Variants in NR3C2 observed in about 807,000 individuals in gnomAD.
The protein encoded by NR3C2 is nuclear receptor subfamily 3 group C member 2.
NR3C2 carries 15 observed loss-of-function variants against 86.4 expected under a neutral mutation model. The ratio of observed to expected loss-of-function variants is 0.17; its 90% confidence interval spans 0.12 to 0.27. The LOEUF (loss-of-function observed/expected upper bound fraction) is 0.27, where lower values mean the gene tolerates loss of function less well. Among genes scored for constraint, NR3C2 ranks in the 10% least tolerant of loss-of-function variants. NR3C2 has a pLI of 1.00. For synonymous variants in NR3C2, 458 were observed against 450.5 expected, an observed-to-expected ratio of 1.02 and a Z score of -0.21; for missense variants, 960 against 1,195.6, an observed-to-expected ratio of 0.80 and a Z score of 2.91.
rs573102010 is a variant in NR3C2, at chr4:148,260,239, C to G, written c.1758-122G>C. On this transcript the variant is annotated intron_variant, in intron 2 of 8. Coordinates refer to ENST00000358102, the MANE Select transcript of NR3C2 (RefSeq NM_000901.5). ...ATACAAGAATTCAGTGTGTAATGAC[C>G]ACATACTATGTGACTTAGCAAAATA... 37 of 1,219,432 alleles carry G rather than the reference C, an allele frequency of 3.0e-5. No individual in the cohort carries two copies. In the African/African-American group the frequency reaches 5.4e-4, roughly 18 times the overall value. The allele number at this position is 1,219,432 out of a possible 1,614,324, so 75.5% of individuals were successfully genotyped here. A position where few individuals can be genotyped will look rare whatever the true frequency, so the allele number is the denominator to read the frequency against.
intron 2 of NR3C2, among the ~76,000 whole-genome samples, chr4:148,305,096 T>C (rs1220166802): frequency 2.0e-5 from 3 of 152,158 alleles, no homozygotes; most frequent in African/African-American, 4.8e-5. Flanking sequence ...AACTTAATCA[T>C]TTGCAAAATA....
chr4:148,298,454 G>C (rs774776098), intron 2 of NR3C2, among the ~76,000 whole-genome samples: 5 of 152,168 alleles, frequency 3.3e-5, no homozygotes, highest in Non-Finnish European at 5.9e-5. Context: ...AGAATTGATA[G>C]GTTTTGGGTT....
intron 3 of NR3C2, among the ~76,000 whole-genome samples, chr4:148,258,465 A>G (rs1032910822): frequency 1.3e-5 from 2 of 152,076 alleles, no homozygotes; most frequent in Non-Finnish European, 2.9e-5. Context: ...TCCTAAGGGA[A>G]ACGTCCTTCC....
rs145711262 is a variant in NR3C2, at chr4:148,079,256, C to G, written c.*2088G>C. On this transcript the variant is annotated 3_prime_UTR_variant, in exon 9 of 9. Transcript: ENST00000358102. Reference sequence around the variant, plus strand: ...GTGTGGCTTTCATATTACTGTGCACCGTAAGTTGACTGTATTTAAAGATCT... The same window carrying G: ...GTGTGGCTTTCATATTACTGTGCACGGTAAGTTGACTGTATTTAAAGATCT... 25 of 152,116 alleles carry G rather than the reference C, an allele frequency of 1.6e-4. No homozygotes were observed. Among genetic ancestry groups the G allele is most frequent in the African/African-American group, 5.6e-4 (23 of 41,414 alleles). 9.4% of individuals were successfully genotyped at this position (152,116 alleles called of 1,614,324 possible).
chr4:148,209,030 A>C (rs6535591), intron 3 of NR3C2: 2 of 151,794 alleles, frequency 1.3e-5, no homozygotes, highest in African/African-American at 4.8e-5. Flanking sequence ...ATCACCTTAA[A>C]GTTAGGAGTT....
intron 2 of NR3C2, among the ~76,000 whole-genome samples, chr4:148,316,779 TTTTC>T (rs1202503345): frequency 6.6e-6 from 1 of 152,094 alleles, no homozygotes; most frequent in Non-Finnish European, 1.5e-5. Flanking sequence ...ATTAGTTGTT[TTTTC>T]TTTTTTGTTG....
At chr4:148,171,615 T>G (rs1458365729) in intron 4 of NR3C2, among the ~76,000 whole-genome samples, 2 of 152,220 alleles carry the variant, frequency 1.3e-5, no homozygotes, top group Non-Finnish European at 2.9e-5. Context: ...GAGAATCTAA[T>G]GTGGCTGCTG....
intron 4 of NR3C2, among the ~76,000 whole-genome samples, chr4:148,188,607 T>C (rs1231133223): frequency 2.0e-5 from 3 of 152,192 alleles, no homozygotes; most frequent in African/African-American, 7.2e-5. Context: ...TGCTGAATTC[T>C]TTTATCAGTT....
At chr4:148,207,916 T>C (rs1405710861) in intron 3 of NR3C2, 2 of 152,226 alleles carry the variant, frequency 1.3e-5, no homozygotes, top group Non-Finnish European at 2.9e-5. Context: ...AATAATAGAC[T>C]GTAATAAAAG....
At chr4:148,295,668 T>C (rs1296913239) in intron 2 of NR3C2, among the ~76,000 whole-genome samples, 1 of 151,482 alleles carries the variant, frequency 6.6e-6, no homozygotes, top group East Asian at 1.9e-4. Context: ...CTCTCACCAC[T>C]GGCATTACTG....
chr4:148,350,885 C>T (rs1745240267), intron 2 of NR3C2, among the ~76,000 whole-genome samples: 1 of 152,138 alleles, frequency 6.6e-6, no homozygotes, highest in Non-Finnish European at 1.5e-5. Context: ...TTCTTTTTCC[C>T]ATCTTGAGAG....
intron 3 of NR3C2, among the ~76,000 whole-genome samples, chr4:148,235,350 T>C (rs371018230): frequency 2.6e-5 from 4 of 151,440 alleles, no homozygotes; most frequent in Admixed American, 2.0e-4. Context: ...TGTCTTAAAA[T>C]AATCCAGTGA....
chr4:148,381,006 T>C (rs369582701), intron 2 of NR3C2, among the ~76,000 whole-genome samples: 4 of 152,102 alleles, frequency 2.6e-5, no homozygotes, highest in Admixed American at 1.3e-4. Context: ...GTGGGTGGAA[T>C]GCTTGTGCTC....
intron 8 of NR3C2, among the ~76,000 whole-genome samples, chr4:148,090,534 G>A (rs759251459): frequency 5.3e-5 from 8 of 152,212 alleles, no homozygotes; most frequent in Non-Finnish European, 1.0e-4. Context: ...TGAACAAGAG[G>A]CAGCATGCAG....
chr4:148,319,863 C>A lies in NR3C2; in HGVS notation c.1758-59746G>T, dbSNP rs61408784. ...CTTCCTCTTTTCCTAATTGAATACC[C>A]TTTATTTCCTTCTCCTGCCTAATTG... On this transcript the variant is annotated intron_variant, in intron 2 of 8. Transcript: ENST00000358102. Among the ~76,000 whole-genome samples the A allele has an allele frequency of 1.5e-3, 206 of 141,646 alleles. 3 individuals are homozygous for A. The East Asian group carries it at 0.041, about 28-fold the overall frequency. 92.9% of individuals were successfully genotyped at this position (141,646 alleles called of 152,430 possible).
chr4:148,289,495 T>C (rs894841489), intron 2 of NR3C2, among the ~76,000 whole-genome samples: 2 of 152,208 alleles, frequency 1.3e-5, no homozygotes. Flanking sequence ...ACACAGGTTG[T>C]TACATTTGTA....
intron 2 of NR3C2, among the ~76,000 whole-genome samples, chr4:148,328,881 A>T (rs1744092213): frequency 6.6e-6 from 1 of 152,218 alleles, no homozygotes; most frequent in Non-Finnish European, 1.5e-5. Context: ...GTGATTTCAA[A>T]GCCAGACTTC....
intron 2 of NR3C2, among the ~76,000 whole-genome samples, chr4:148,314,558 C>T (rs1268495715): frequency 6.6e-6 from 1 of 151,966 alleles, no homozygotes; most frequent in African/African-American, 2.4e-5. Context: ...TAATACAGTA[C>T]TTGAATAAAA....
chr4:148,198,500 C>G (rs747048003), intron 3 of NR3C2, among the ~76,000 whole-genome samples: 1 of 152,022 alleles, frequency 6.6e-6, no homozygotes, highest in African/African-American at 2.4e-5. Flanking sequence ...GGACCAGCTT[C>G]GCAACCAGGG....
Sources: allele counts gnomAD v4.1 joint callset (sites outside exome capture counted in the v4.1 genomes callset), GRCh38; gene constraint gnomAD v4.1.1; transcripts MANE v1.5; gene names NCBI Gene and HGNC (gene_info 2026-07-23, HGNC 2026-07-21).